Variants in RBFOX1 observed in about 807,000 individuals in gnomAD.
The protein encoded by RBFOX1 is RNA binding protein fox-1 homolog 1.
Under a neutral mutation model 57.7 loss-of-function variants are expected in RBFOX1, and 8 were observed. The ratio of observed to expected loss-of-function variants is 0.14; its 90% CI spans 0.08 to 0.25. The LOEUF (loss-of-function observed/expected upper bound fraction) is 0.25. Ranked by LOEUF, RBFOX1 falls within the 10% of genes least tolerant of loss-of-function variation. The pLI is 1.00. For missense variants in RBFOX1, 611 were observed against 548.5 expected (o/e 1.11, Z -1.14); for synonymous variants, 326 against 222.4 (o/e 1.47, Z -4.15).
At chr16:5,675,385 G>T (rs1489101994) in intron 3 of RBFOX1, among the ~76,000 whole-genome samples, 2 of 152,142 alleles carry the variant, frequency 1.3e-5, no homozygotes, top group Admixed American at 6.5e-5. Context: ...TAAGCACATT[G>T]GTGCTTGAAA....
intron 14 of RBFOX1, among the ~76,000 whole-genome samples, chr16:7,683,494 C>T (rs2058188): frequency 0.72 from 109,048 of 151,852 alleles, 39,372 homozygotes; most frequent in East Asian, 0.86. Flanking sequence ...AATCCTGTAA[C>T]AGTCAACAGA....
At chr16:6,697,099 G>T (rs1439606807) in intron 3 of RBFOX1, among the ~76,000 whole-genome samples, 2 of 152,154 alleles carry the variant, frequency 1.3e-5, no homozygotes, top group Non-Finnish European at 2.9e-5. Context: ...TCTGGGGAAA[G>T]CCAAAGAAAA....
intron 4 of RBFOX1, among the ~76,000 whole-genome samples, chr16:7,475,861 A>T (rs1377427190): frequency 6.6e-6 from 1 of 152,208 alleles, no homozygotes; most frequent in Non-Finnish European, 1.5e-5. Context: ...GGTAGCATTT[A>T]TTTGGTGCTT....
intron 3 of RBFOX1, among the ~76,000 whole-genome samples, chr16:6,885,217 C>G (rs979050536): frequency 3.3e-5 from 5 of 152,152 alleles, no homozygotes; most frequent in Non-Finnish European, 5.9e-5. Flanking sequence ...AAAACTAGAA[C>G]TGTGGTTTTT....
intron 2 of RBFOX1, among the ~76,000 whole-genome samples, chr16:5,515,716 G>A (rs971194115): frequency 6.6e-6 from 1 of 152,192 alleles, no homozygotes; most frequent in Non-Finnish European, 1.5e-5. Context: ...AATATGGCAA[G>A]TTCTGCTGCA....
intron 4 of RBFOX1, among the ~76,000 whole-genome samples, chr16:7,074,899 C>T (rs957352745): frequency 6.6e-6 from 1 of 151,972 alleles, no homozygotes; most frequent in Non-Finnish European, 1.5e-5. Flanking sequence ...TAAAGCCATC[C>T]CCCAGTGAGA....
chr16:7,705,447 G>A (rs565154067), intron 14 of RBFOX1, among the ~76,000 whole-genome samples: 1 of 152,180 alleles, frequency 6.6e-6, no homozygotes, highest in African/African-American at 2.4e-5. Context: ...GGAGCTTGCA[G>A]TGAGCCAAGA....
chr16:5,871,600 G>C (rs900887006), intron 4 of RBFOX1, among the ~76,000 whole-genome samples: 5 of 152,142 alleles, frequency 3.3e-5, no homozygotes, highest in African/African-American at 1.2e-4. Context: ...GCAGCCATTG[G>C]ATTGCAAATG....
chr16:7,534,545 GC>G (rs1284416372), intron 5 of RBFOX1, among the ~76,000 whole-genome samples: 1 of 152,156 alleles, frequency 6.6e-6, no homozygotes, highest in East Asian at 1.9e-4. Flanking sequence ...CCCAGGAAGA[GC>G]CCCTGGAAGC....
chr16:7,399,733 C>G (rs934647300), intron 4 of RBFOX1, among the ~76,000 whole-genome samples: 1 of 56,404 alleles, frequency 1.8e-5, no homozygotes, highest in African/African-American at 5.5e-5. Flanking sequence ...GACCCCATAT[C>G]AAGATCTTTT....
chr16:6,905,457 G>A (rs576858469), intron 3 of RBFOX1, among the ~76,000 whole-genome samples: 134 of 151,884 alleles, frequency 8.8e-4, no homozygotes, highest in African/African-American at 3.2e-3. Flanking sequence ...GGAGTCTGAG[G>A]CAGGAGAATG....
chr16:5,609,786 A>G (rs1374845621), intron 3 of RBFOX1, among the ~76,000 whole-genome samples: 1 of 148,118 alleles, frequency 6.8e-6, no homozygotes, highest in Non-Finnish European at 1.5e-5. Context: ...AATATTTTTT[A>G]TCGGCCACCT....
At chr16:7,132,530 A>G (rs1424544468) in intron 4 of RBFOX1, among the ~76,000 whole-genome samples, 1 of 151,752 alleles carries the variant, frequency 6.6e-6, no homozygotes, top group Non-Finnish European at 1.5e-5. Flanking sequence ...AGGTATAAGT[A>G]TTAATTCATG....
intron 4 of RBFOX1, among the ~76,000 whole-genome samples, chr16:7,277,711 A>C (rs1033462778): frequency 6.6e-6 from 1 of 152,192 alleles, no homozygotes; most frequent in African/African-American, 2.4e-5. Context: ...AAAGCCAAGG[A>C]CTTCTATAGG....
At chr16:5,682,139 T>C (rs1262659467) in intron 3 of RBFOX1, among the ~76,000 whole-genome samples, 1 of 152,164 alleles carries the variant, frequency 6.6e-6, no homozygotes, top group Non-Finnish European at 1.5e-5. Flanking sequence ...CTGGGGTAAA[T>C]GACACCAAAA....
In RBFOX1 at chr16:7,094,262, A is replaced by G. The variant is rs551403572; in HGVS notation, c.27+42164A>G. Among the ~76,000 whole-genome samples the G allele has an allele frequency of 7.9e-5, 12 of 152,250 alleles. No homozygotes were observed. The East Asian group carries it at 2.3e-3, about 29-fold the overall frequency. The stretch of plus-strand genomic sequence containing the variant: ...CAGAGAAGAACAAATTGAAAAATTG[A>G]TATTCAATACCAACAAGATAATTTC... On this transcript the variant is annotated intron_variant, in intron 4 of 15. Transcript: ENST00000550418.
intron 3 of RBFOX1, among the ~76,000 whole-genome samples, chr16:6,948,471 C>T (rs140452458): frequency 0.018 from 2,598 of 143,324 alleles, 84 homozygotes; most frequent in African/African-American, 0.065. Context: ...CAACCTTTGC[C>T]TCCTTGGTTC....
At chr16:5,274,517 A>G (rs7190523) in intron 1 of RBFOX1, among the ~76,000 whole-genome samples, 48,346 of 152,058 alleles carry the variant, frequency 0.32, 8,144 homozygotes, top group South Asian at 0.44. Flanking sequence ...TGATAGGGCG[A>G]GACTGGGTCT....
intron 3 of RBFOX1, among the ~76,000 whole-genome samples, chr16:6,934,529 G>C (rs1160111548): frequency 6.6e-6 from 1 of 152,068 alleles, no homozygotes; most frequent in East Asian, 1.9e-4. Context: ...GTATGCAGTG[G>C]AGTACTATTT....
Sources: allele counts gnomAD v4.1 joint callset (sites outside exome capture counted in the v4.1 genomes callset), GRCh38; gene constraint gnomAD v4.1.1; transcripts MANE v1.5; gene names NCBI Gene and HGNC (gene_info 2026-07-23, HGNC 2026-07-21).